The following PDE9A variants were observed in gnomAD, a reference collection of about 807,000 sequenced individuals.
The protein encoded by PDE9A is phosphodiesterase 9A.
Under a neutral mutation model 87.4 loss-of-function variants are expected in PDE9A, and 60 were observed. The ratio of observed to expected loss-of-function variants is 0.69; its 90% CI spans 0.56 to 0.85. The LOEUF is 0.85. Among genes scored for constraint, PDE9A ranks in the 40% least tolerant of loss-of-function variants. The probability of loss-of-function intolerance (pLI) is 0.00; values close to 1 mark genes in which losing one functional copy is unlikely to be tolerated. For synonymous variants in PDE9A, 272 were observed against 279.4 expected (o/e 0.97, Z 0.27); for missense variants, 665 against 779.0 (o/e 0.85, Z 1.74).
At chr21:42,670,261 ACACACATATT>A (rs563250536) in intron 1 of PDE9A, among the ~76,000 whole-genome samples, 1,525 of 150,188 alleles carry the variant, frequency 0.01, 15 homozygotes, top group Non-Finnish European at 0.012. Flanking sequence ...ACATACATTC[ACACACATATT>A]CACACATTCA....
intron 8 of PDE9A, among the ~76,000 whole-genome samples, chr21:42,744,863 T>C (rs2053676293): frequency 6.6e-6 from 1 of 152,206 alleles, no homozygotes; most frequent in Non-Finnish European, 1.5e-5. Context: ...GCACTTACTG[T>C]GTGCGGGCGC....
chr21:42,751,265 C>G, intron 9 of PDE9A, 68 bp downstream of exon 9: 8 of 1,146,302 alleles, frequency 7.0e-6, no homozygotes, highest in Non-Finnish European at 1.1e-5. Context: ...GCCCTGTGGC[C>G]CTGCGGCCAG....
At chr21:42,713,645 G>A (rs1189103715) in intron 4 of PDE9A, among the ~76,000 whole-genome samples, 1 of 151,696 alleles carries the variant, frequency 6.6e-6, no homozygotes, top group Non-Finnish European at 1.5e-5. Context: ...GTATTATTTT[G>A]TCCTATGTCC....
intron 1 of PDE9A, among the ~76,000 whole-genome samples, chr21:42,667,263 C>T (rs1271236188): frequency 6.6e-6 from 1 of 152,242 alleles, no homozygotes; most frequent in Non-Finnish European, 1.5e-5. Context: ...TCCATTCAGA[C>T]ACCAAATCCA....
At chr21:42,683,588 T>G (rs2059287558) in intron 1 of PDE9A, among the ~76,000 whole-genome samples, 1 of 152,216 alleles carries the variant, frequency 6.6e-6, no homozygotes, top group African/African-American at 2.4e-5. Flanking sequence ...CCTCACGACC[T>G]GGCCCCATGC....
chr21:42,673,076 C>T lies in PDE9A; in HGVS notation c.70-13116C>T, dbSNP rs181922544. The stretch of plus-strand genomic sequence containing the variant: ...ACTCAACGGAGTAAGTAATGTGTAG[C>T]GGGCCCTCTATCTGCATGACGAATC... On this transcript the variant is annotated intron_variant, in intron 1 of 19. Coordinates refer to ENST00000291539, the MANE Select transcript of PDE9A (RefSeq NM_002606.3). Among the ~76,000 whole-genome samples, 44 of 152,298 alleles carry T rather than the reference C, an allele frequency of 2.9e-4. 2 individuals carry two copies. The South Asian group carries it at 5.6e-3, about 19-fold the overall frequency.
chr21:42,684,453 G>A (rs529742000), intron 1 of PDE9A, among the ~76,000 whole-genome samples: 37 of 152,366 alleles, frequency 2.4e-4, no homozygotes, highest in African/African-American at 8.2e-4. Flanking sequence ...AGGCCGCAGC[G>A]TGAACTGTGA....
chr21:42,754,253 C>T (rs2054778582), intron 10 of PDE9A, among the ~76,000 whole-genome samples, 189 bp downstream of exon 10: 1 of 152,054 alleles, frequency 6.6e-6, no homozygotes. Flanking sequence ...ATAGCAGGGC[C>T]CAGGAGACTT....
rs1374844494 is a variant in PDE9A, at chr21:42,775,481, C to G, written c.*188C>G. ...GTACAGAATTTTATTTTTAAACTGT[C>G]TTTTAAATAATATATTCTTATACGG... On this transcript the variant is annotated 3_prime_UTR_variant, in exon 20 of 20. Transcript: ENST00000291539. The G allele has an allele frequency of 2.0e-6, 1 of 506,792 alleles. No homozygotes were observed. The highest frequency in any genetic ancestry group is 2.0e-5 in the African/African-American group (1 of 49,828). 31.4% of individuals were successfully genotyped at this position (506,792 alleles called of 1,614,324 possible).
chr21:42,698,938 C>T, intron 3 of PDE9A, 30 bp from the exon 4 acceptor site: 6 of 1,591,294 alleles, frequency 3.8e-6, no homozygotes, highest in South Asian at 1.1e-5. Context: ...CTTGCAGAGT[C>T]TCACAGCGGC....
intron 3 of PDE9A, 126 bp downstream of exon 3, chr21:42,688,120 C>G: frequency 1.3e-6 from 1 of 790,672 alleles, no homozygotes; most frequent in Non-Finnish European, 2.2e-6. Context: ...AGATGGAGAG[C>G]GAGGGTAGGA....
intron 9 of PDE9A, among the ~76,000 whole-genome samples, chr21:42,752,003 G>A (rs541723073): frequency 9.3e-5 from 14 of 149,800 alleles, no homozygotes; most frequent in Admixed American, 3.3e-4. Context: ...CGCCTGCCTC[G>A]GCCTCCCAAA....
At chr21:42,765,343 C>A in intron 14 of PDE9A, 38 bp from the exon 15 acceptor site, 1 of 1,212,364 alleles carries the variant, frequency 8.2e-7, no homozygotes, top group South Asian at 1.3e-5. Context: ...ATTGTTCAGA[C>A]TATACCCGTG....
At chr21:42,743,984 T>C in intron 8 of PDE9A, 124 bp downstream of exon 8, 1 of 650,652 alleles carries the variant, frequency 1.5e-6, no homozygotes, top group Non-Finnish European at 2.8e-6. Context: ...CAGTTCAGGC[T>C]TGGGAGAGTG....
chr21:42,663,528 C>T (rs2057751024), intron 1 of PDE9A, among the ~76,000 whole-genome samples: 2 of 152,158 alleles, frequency 1.3e-5, no homozygotes, highest in East Asian at 1.9e-4. Flanking sequence ...TCTCATTGCC[C>T]GATGTGATGA....
intron 4 of PDE9A, among the ~76,000 whole-genome samples, chr21:42,710,176 G>A (rs547817975): frequency 3.5e-4 from 54 of 152,290 alleles, no homozygotes; most frequent in Admixed American, 1.4e-3. Flanking sequence ...GGGAGGCCGA[G>A]GCGGGCGGAT....
Position 42,731,915 on chromosome 21 carries a change from G to C in PDE9A, c.408G>C (p.Gln136His), listed in dbSNP as rs1324578576. 6.2e-7 allele frequency: 1 copy of C among 1,614,110 alleles called. No homozygotes were observed. The highest frequency in any genetic ancestry group is 8.5e-7 in the Non-Finnish European group (1 of 1,179,954). Residue 136 changes from glutamine (Q) to histidine (H), a missense_variant, in exon 5 of 20, where the codon CAG becomes CAC. Physicochemically the swap from Gln to His is conservative, Grantham distance 24 (BLOSUM62 0). Coordinates refer to ENST00000291539, the MANE Select transcript of PDE9A (RefSeq NM_002606.3). ...GQVEPRPREPQGCYQEGQRIP... is the reference protein window; with the variant it reads ...GQVEPRPREPHGCYQEGQRIP... ...TAGAGCCCAGGCCCAGAGAGCCCCA[G>C]GGCTGCTACCAGGAAGGCCAGCGCA...
chr21:42,664,417 CA>C (rs1288230452), intron 1 of PDE9A, among the ~76,000 whole-genome samples: 2 of 152,192 alleles, frequency 1.3e-5, no homozygotes, highest in Admixed American at 1.3e-4. Flanking sequence ...TCCAGGGAGA[CA>C]GTTGCAGCAG....
Position 42,705,913 on chromosome 21 carries a change from G to C in PDE9A, c.262+6902G>C, listed in dbSNP as rs1052597279. On this transcript the variant is annotated intron_variant, in intron 4 of 19. Transcript: ENST00000291539. This position sits in a 1 kb window ranked among gnomAD's most constrained non-coding sequence, Gnocchi z 4.3. ...ACCACATTCTACTCCCCTGGCCAGA[G>C]ACCGAGGGTGACTCGGAGGCTTCCA... 1.5e-4 allele frequency among the ~76,000 whole-genome samples: 23 copies of C among 152,276 alleles called. No homozygotes were observed. Among genetic ancestry groups the C allele is most frequent in the African/African-American group, 5.3e-4 (22 of 41,582 alleles).
Sources: gnomAD v4.1 joint callset for allele counts (sites outside exome capture counted in the v4.1 genomes callset) on GRCh38, gnomAD v4.1.1 for gene constraint, Gnocchi (gnomAD v3.1) non-coding constraint, MANE v1.5 for transcripts, NCBI Gene and HGNC (gene_info 2026-07-23, HGNC 2026-07-21) for gene names.